Variants in LDLRAD3 observed in about 807,000 individuals in gnomAD.
LDLRAD3 encodes the protein low density lipoprotein receptor class A domain containing 3.
Under a neutral mutation model 29.4 loss-of-function variants are expected in LDLRAD3, and 20 were observed. The observed-to-expected ratio is 0.68, with a 90% confidence interval of 0.48 to 0.99. The LOEUF (loss-of-function observed/expected upper bound fraction) is 0.99, where lower values mean the gene tolerates loss of function less well. Ranked by LOEUF, LDLRAD3 falls within the 50% of genes least tolerant of loss-of-function variation. The probability of loss-of-function intolerance (pLI) is 0.00; values close to 1 mark genes in which losing one functional copy is unlikely to be tolerated. For missense variants in LDLRAD3, 420 were observed against 454.3 expected, an observed-to-expected ratio of 0.92 and a Z score of 0.69; for synonymous variants, 157 against 192.7, an observed-to-expected ratio of 0.81 and a Z score of 1.53.
At chr11:36,166,706 A>G (rs1286574956) in intron 4 of LDLRAD3, among the ~76,000 whole-genome samples, 1 of 152,146 alleles carries the variant, frequency 6.6e-6, no homozygotes, top group East Asian at 1.9e-4. Context: ...AAATACTGTA[A>G]ATGGTTGGAA....
intron 1 of LDLRAD3, among the ~76,000 whole-genome samples, chr11:35,959,438 A>G (rs1851247984): frequency 6.6e-6 from 1 of 152,208 alleles, no homozygotes; most frequent in Admixed American, 6.5e-5. Context: ...CTATACTTGA[A>G]TGTTTATTAA....
chr11:36,157,453 T>C lies in LDLRAD3; in HGVS notation c.454+58992T>C, dbSNP rs78809929. Among the ~76,000 whole-genome samples, 498 of 152,328 alleles carry C rather than the reference T, an allele frequency of 3.3e-3. 22 individuals are homozygous for C. The East Asian group carries it at 0.083, about 25-fold the overall frequency. ...GGTTCTGTTGCACTTTTGTTGATTT[T>C]TAAAATTTCTTTTTATTTAGTCAGT... On this transcript the variant is annotated intron_variant, in intron 4 of 5. Coordinates refer to ENST00000315571, the MANE Select transcript of LDLRAD3 (RefSeq NM_174902.4).
rs867126191 is a variant in LDLRAD3 at position 36,024,982 on chromosome 11, A to G, written c.47-11121A>G. On this transcript the variant is annotated intron_variant, in intron 1 of 5. Transcript: ENST00000315571. ...CTTAGTAAGTTTGGTGGGTAAATCT[A>G]TCTTAGGAGATAACATTTATTTTTT... Among the ~76,000 whole-genome samples the G allele has an allele frequency of 5.9e-5, 9 of 151,992 alleles. No homozygotes were observed. In the South Asian group the frequency reaches 1.5e-3, roughly 25 times the overall value.
chr11:36,100,282 G>A (rs906596808), intron 4 of LDLRAD3, among the ~76,000 whole-genome samples: 6 of 152,188 alleles, frequency 3.9e-5, no homozygotes, highest in African/African-American at 1.4e-4. Context: ...TGAACGCAAC[G>A]TATTGCTGGC....
chr11:36,220,961 T>TA (rs1239395541), intron 4 of LDLRAD3, among the ~76,000 whole-genome samples: 1 of 152,106 alleles, frequency 6.6e-6, no homozygotes, highest in East Asian at 1.9e-4. Context: ...AAAATACTTC[T>TA]AAAAAAATTG....
chr11:36,068,211 A>C (rs1166626718), intron 2 of LDLRAD3, among the ~76,000 whole-genome samples: 1 of 152,188 alleles, frequency 6.6e-6, no homozygotes, highest in Non-Finnish European at 1.5e-5. Flanking sequence ...GCAAAGCCTT[A>C]GACTGTCTAA....
At chr11:36,154,146 C>G (rs1463884482) in intron 4 of LDLRAD3, among the ~76,000 whole-genome samples, 2 of 152,168 alleles carry the variant, frequency 1.3e-5, no homozygotes, top group East Asian at 3.8e-4. Flanking sequence ...ATGAGTTCAT[C>G]CAGAATGTTC....
At chr11:36,096,239 C>T (rs764299565) in intron 3 of LDLRAD3, among the ~76,000 whole-genome samples, 13 of 152,298 alleles carry the variant, frequency 8.5e-5, no homozygotes, top group South Asian at 2.1e-4. Context: ...CTTTAGATAG[C>T]GTTGTGAAGT....
chr11:36,193,720 A>T (rs1387294191), intron 4 of LDLRAD3, among the ~76,000 whole-genome samples: 1 of 152,060 alleles, frequency 6.6e-6, no homozygotes, highest in Non-Finnish European at 1.5e-5. Flanking sequence ...TACCCTCCTC[A>T]TTCCTTTATG....
At chr11:36,133,827 G>A (rs945918309) in intron 4 of LDLRAD3, among the ~76,000 whole-genome samples, 6 of 152,046 alleles carry the variant, frequency 3.9e-5, no homozygotes, top group South Asian at 4.2e-4. Context: ...ATGAGCCACC[G>A]CGCCCGGCCC....
chr11:36,159,625 A>AAAAAAAAAAAAAAAT, intron 4 of LDLRAD3, among the ~76,000 whole-genome samples: 1 of 132,898 alleles, frequency 7.5e-6, no homozygotes. Context: ...AAAAAAAAAA[A>AAAAAAAAAAAAAAAT]AGCCAGATGT....
intron 3 of LDLRAD3, among the ~76,000 whole-genome samples, chr11:36,093,981 A>G (rs985870354): frequency 1.3e-5 from 2 of 152,228 alleles, no homozygotes; most frequent in South Asian, 2.1e-4. Flanking sequence ...AAGGGTAGGT[A>G]TATGTAAAAT....
intron 4 of LDLRAD3, among the ~76,000 whole-genome samples, chr11:36,114,781 C>G (rs2133290180): frequency 6.6e-6 from 1 of 152,310 alleles, no homozygotes; most frequent in East Asian, 1.9e-4. Context: ...TGGTGCGTCT[C>G]TCTTCCCAAT....
intron 1 of LDLRAD3, among the ~76,000 whole-genome samples, chr11:36,000,397 C>T (rs1463619420): frequency 2.0e-5 from 3 of 151,700 alleles, no homozygotes; most frequent in East Asian, 1.9e-4. Context: ...AAAGCAGATA[C>T]ACACTGGGAT....
chr11:36,054,465 C>T lies in LDLRAD3; in HGVS notation c.193+18216C>T, dbSNP rs563323297. Among the ~76,000 whole-genome samples, 51 of 152,302 alleles carry T rather than the reference C, an allele frequency of 3.3e-4. 3 individuals are homozygous for T. The South Asian group carries it at 0.01, about 30-fold the overall frequency. On this transcript the variant is annotated intron_variant, in intron 2 of 5. Transcript: ENST00000315571. ...AAGGTAGAAGAGCAGCTCTTCTTGA[C>T]CCTGCATGGAACCTAGAGCATGGGG...
intron 4 of LDLRAD3, among the ~76,000 whole-genome samples, chr11:36,224,394 AAAAT>A (rs1855470818): frequency 6.6e-6 from 1 of 152,198 alleles, no homozygotes; most frequent in Non-Finnish European, 1.5e-5. Flanking sequence ...GCTAGATAAT[AAAAT>A]AAAGAAGTTA....
chr11:36,005,898 A>G (rs957193856), intron 1 of LDLRAD3, among the ~76,000 whole-genome samples: 6 of 152,162 alleles, frequency 3.9e-5, no homozygotes, highest in Admixed American at 1.3e-4. Context: ...ACACATGTTT[A>G]AAGCATCAGA....
chr11:35,961,132 C>T (rs1851272531), intron 1 of LDLRAD3, among the ~76,000 whole-genome samples: 1 of 152,184 alleles, frequency 6.6e-6, no homozygotes. Context: ...CAGAATGTTT[C>T]CCAATTGTGT....
chr11:36,138,239 G>A (rs756332069), intron 4 of LDLRAD3, among the ~76,000 whole-genome samples: 1 of 152,226 alleles, frequency 6.6e-6, no homozygotes, highest in Non-Finnish European at 1.5e-5. Flanking sequence ...TAACATTTCT[G>A]AAAGGCAAGT....
Sources: allele counts gnomAD v4.1 joint callset (sites outside exome capture counted in the v4.1 genomes callset), GRCh38; gene constraint gnomAD v4.1.1; transcripts MANE v1.5; gene names NCBI Gene and HGNC (gene_info 2026-07-23, HGNC 2026-07-21).